Variants in CAMLG observed in about 807,000 individuals in gnomAD.
CAMLG encodes the protein guided entry of tail-anchored proteins factor CAMLG.
In CAMLG, 23 loss-of-function variants were observed where a neutral mutation model predicts 28.9. The observed-to-expected ratio is 0.80, with a 90% CI of 0.57 to 1.13. CAMLG has a LOEUF of 1.13. Ranked by LOEUF, CAMLG falls within the 50% of genes most tolerant of loss-of-function variation. CAMLG has a pLI of 0.00. For missense variants in CAMLG, 367 were observed against 371.9 expected, an observed-to-expected ratio of 0.99 and a Z score of 0.11; for synonymous variants, 141 against 146.5, an observed-to-expected ratio of 0.96 and a Z score of 0.27.
At chr5:134,738,913 C>T (rs2150120268) in intron 1 of CAMLG, 121 bp downstream of exon 1, 1 of 953,230 alleles carries the variant, frequency 1.0e-6, no homozygotes, top group Non-Finnish European at 1.6e-6. Context: ...TTGATTTCCT[C>T]TCTGTCCCGC....
At chr5:134,740,024 C>T (rs896402593) in intron 1 of CAMLG, among the ~76,000 whole-genome samples, 1 of 151,986 alleles carries the variant, frequency 6.6e-6, no homozygotes, top group African/African-American at 2.4e-5. Context: ...CACAGGTGTA[C>T]ACCACCATGC....
At chr5:134,747,790 C>A (rs900060483) in intron 3 of CAMLG, among the ~76,000 whole-genome samples, 2 of 150,022 alleles carry the variant, frequency 1.3e-5, no homozygotes, top group Non-Finnish European at 3.0e-5. Flanking sequence ...TACAGGCACA[C>A]GCCACCAAGC....
intron 3 of CAMLG, among the ~76,000 whole-genome samples, chr5:134,746,264 T>C (rs767230174): frequency 6.6e-6 from 1 of 151,762 alleles, no homozygotes; most frequent in African/African-American, 2.4e-5. Context: ...ATAGAATCTA[T>C]AGAATCTATA....
intron 3 of CAMLG, among the ~76,000 whole-genome samples, chr5:134,746,844 T>C (rs1753055449): frequency 6.6e-6 from 1 of 151,050 alleles, no homozygotes; most frequent in Non-Finnish European, 1.5e-5. Flanking sequence ...TCCCAGCACT[T>C]TGGAAGGCCA....
At position 134,738,779 on chromosome 5, in the gene CAMLG, C is replaced by T; in HGVS notation, c.159C>T (p.Pro53=). The T allele has an allele frequency of 6.2e-7, 1 of 1,614,024 alleles. No homozygotes were observed. The highest frequency in any genetic ancestry group is 8.5e-7 in the Non-Finnish European group (1 of 1,179,980). ...RINRIMGFHR[P]GSGAEEESQT... ...ACCGGATCATGGGCTTTCACAGGCC[C>T]GGGAGCGGCGCGGGTAAGAGCCTCG... Residue 53 remains proline (P), a synonymous_variant, in exon 1 of 4, where the codon CCC becomes CCT. Coordinates refer to ENST00000297156, the MANE Select transcript of CAMLG (RefSeq NM_001745.4).
At chr5:134,743,681 C>T (rs543050858) in intron 2 of CAMLG, among the ~76,000 whole-genome samples, 1 of 152,128 alleles carries the variant, frequency 6.6e-6, no homozygotes, top group Admixed American at 6.6e-5. Flanking sequence ...TACTGGCCAA[C>T]ATGGTGAAAC....
chr5:134,748,166 T>C (rs1240110921), intron 3 of CAMLG, among the ~76,000 whole-genome samples: 2 of 152,022 alleles, frequency 1.3e-5, no homozygotes, highest in African/African-American at 4.8e-5. Context: ...CTCTTGACCT[T>C]GTGATTCGCC....
Position 134,750,947 on chromosome 5 carries a change from A to G in CAMLG, c.888A>G (p.Pro296=), listed in dbSNP as rs910796130. 1 of 1,609,612 alleles carries G rather than the reference A, an allele frequency of 6.2e-7. No individual in the cohort carries two copies. Among genetic ancestry groups the G allele is most frequent in the African/African-American group, 1.3e-5 (1 of 74,690 alleles). The change falls in exon 4 of 4, where the codon CCA becomes CCG. Residue 296 remains proline (P), a synonymous_variant. Transcript: ENST00000297156. ...ELLDYWGSEV[P] Reference sequence around the variant, plus strand: ...TTGATTATTGGGGCTCTGAAGTACCATGAAGCCTGTAGAACTGAGAAGGAG... The same window carrying G: ...TTGATTATTGGGGCTCTGAAGTACCGTGAAGCCTGTAGAACTGAGAAGGAG...
Position 134,744,028 on chromosome 5 carries a change from G to A in CAMLG, c.675G>A (p.Met225Ile). The A allele has an allele frequency of 7.0e-7, 1 of 1,435,794 alleles. No homozygotes were observed. The highest frequency in any genetic ancestry group is 9.8e-7 in the Non-Finnish European group (1 of 1,021,382). The allele number at this position is 1,435,794 out of a possible 1,614,324, so 88.9% of individuals were successfully genotyped here. Residue 225 changes from methionine to isoleucine, a missense_variant, in exon 3 of 4, where the codon ATG (methionine) becomes ATA (isoleucine). Physicochemically the swap from Met to Ile is conservative, Grantham distance 10 (BLOSUM62 1). Coordinates refer to ENST00000297156, the MANE Select transcript of CAMLG (RefSeq NM_001745.4). ...APFLTLQLAYMGLYKYFPKSE... is the reference protein window; with the variant it reads ...APFLTLQLAYIGLYKYFPKSE... ...TTCTTACTTTACAACTTGCGTACAT[G>A]GGATTATACAAATATTTTCCCAAGG...
chr5:134,739,178 C>G (rs1360947061), intron 1 of CAMLG, among the ~76,000 whole-genome samples: 1 of 152,186 alleles, frequency 6.6e-6, no homozygotes, highest in Non-Finnish European at 1.5e-5. Flanking sequence ...CTTAAGGTTC[C>G]AAGTGCTTTT....
At chr5:134,743,896 C>A (rs2150121359) in intron 2 of CAMLG, 91 bp from the exon 3 acceptor site, 1 of 659,616 alleles carries the variant, frequency 1.5e-6, no homozygotes, top group Non-Finnish European at 2.7e-6. Context: ...TTTCTTACAG[C>A]TTTTGCTTGG....
chr5:134,748,342 T>G (rs1753075447), intron 3 of CAMLG, among the ~76,000 whole-genome samples: 1 of 151,364 alleles, frequency 6.6e-6, no homozygotes, highest in African/African-American at 2.4e-5. Flanking sequence ...AAGTCAGGAG[T>G]TCAAGACCAG....
chr5:134,742,844 T>C lies in CAMLG; in HGVS notation c.634-1143T>C, dbSNP rs191629716. ...ACCTCCACCTCCTGGGTTCAAGCGA[T>C]TCTCCTGCCTTAGCCTCCCGAGTAG... On this transcript the variant is annotated intron_variant, in intron 2 of 3. Transcript: ENST00000297156. 4.0e-3 allele frequency among the ~76,000 whole-genome samples: 610 copies of C among 152,276 alleles called. 1 individual carries two copies. Among genetic ancestry groups the C allele is most frequent in the Non-Finnish European group, 7.2e-3 (488 of 68,014 alleles).
At chr5:134,743,876 A>G in intron 2 of CAMLG, 111 bp from the exon 3 acceptor site, 1 of 609,914 alleles carries the variant, frequency 1.6e-6, no homozygotes. Context: ...AAAAATAATA[A>G]TAACAACATT....
intron 2 of CAMLG, among the ~76,000 whole-genome samples, chr5:134,743,225 G>A (rs1753005280): frequency 6.6e-6 from 1 of 151,908 alleles, no homozygotes; most frequent in African/African-American, 2.4e-5. Context: ...ATTCCCTCTG[G>A]GTGACCGAGA....
At chr5:134,740,901 C>G (rs1337743007) in intron 1 of CAMLG, among the ~76,000 whole-genome samples, 162 bp from the exon 2 acceptor site, 3 of 152,238 alleles carry the variant, frequency 2.0e-5, no homozygotes, top group Non-Finnish European at 2.9e-5. Flanking sequence ...AGCCACGGCA[C>G]CTGGCCGAAA....
At position 134,738,572 on chromosome 5, in the gene CAMLG, C is replaced by T. The variant is rs1277712029; in HGVS notation, c.-49C>T. The T allele has an allele frequency of 2.0e-6, 3 of 1,482,310 alleles. No homozygotes were observed. Among genetic ancestry groups the T allele is most frequent in the East Asian group, 4.7e-5 (2 of 42,254 alleles). The allele number at this position is 1,482,310 out of a possible 1,614,324, so 91.8% of individuals were successfully genotyped here. On this transcript the variant is annotated 5_prime_UTR_variant, in exon 1 of 4. Coordinates refer to ENST00000297156, the MANE Select transcript of CAMLG (RefSeq NM_001745.4). ...CCTCTAGTCATCGCCCTCGCAGCGG[C>T]GGCCAACATCACCGCCACTGCCACC...
In CAMLG at chr5:134,741,399, T is replaced by A; in HGVS notation, c.509T>A (p.Ile170Asn). 6.2e-7 allele frequency: 1 copy of A among 1,614,052 alleles called. No homozygotes were observed. The highest frequency in any genetic ancestry group is 8.5e-7 in the Non-Finnish European group (1 of 1,179,906). The change falls in exon 2 of 4, where the codon ATT becomes AAT. Residue 170 changes from isoleucine (I) to asparagine (N), a missense_variant. Physicochemically the swap from Ile to Asn is moderately radical, Grantham distance 149. Transcript: ENST00000297156. ...EEAMKLRKQL[I>N]SEKPSQEDGN... The stretch of plus-strand genomic sequence containing the variant: ...GCAATGAAGCTAAGGAAACAGCTGA[T>A]TAGTGAAAAACCCAGTCAAGAGGAT...
intron 2 of CAMLG, 116 bp from the exon 3 acceptor site, chr5:134,743,868 AAAT>A (rs1435820868): frequency 1.0e-5 from 6 of 593,882 alleles, no homozygotes; most frequent in East Asian, 6.0e-5. Flanking sequence ...CCGTCTCAAA[AAAT>A]AATAATAACA....
Sources: allele counts gnomAD v4.1 joint callset (sites outside exome capture counted in the v4.1 genomes callset), GRCh38; gene constraint gnomAD v4.1.1; transcripts MANE v1.5; gene names NCBI Gene and HGNC (gene_info 2026-07-23, HGNC 2026-07-21).